RSRC1: variants seen among roughly 807,000 people sequenced by gnomAD.
The protein encoded by RSRC1 is arginine and serine rich coiled-coil 1, also known as serine/Arginine-related protein 53.
RSRC1 carries 39 observed loss-of-function variants against 49.1 expected under a neutral mutation model. The ratio of observed to expected loss-of-function variants is 0.79; its 90% CI spans 0.61 to 1.04. RSRC1 has a LOEUF of 1.04. Among genes scored for constraint, RSRC1 ranks in the 50% least tolerant of loss-of-function variants. The pLI is 0.00. For missense variants in RSRC1, 388 were observed against 402.4 expected, an observed-to-expected ratio of 0.96 and a Z score of 0.31; for synonymous variants, 143 against 130.8, an observed-to-expected ratio of 1.09 and a Z score of -0.63.
intron 3 of RSRC1, among the ~76,000 whole-genome samples, chr3:158,181,610 G>A (rs1473350062): frequency 6.6e-6 from 1 of 152,072 alleles, no homozygotes; most frequent in African/African-American, 2.4e-5. Flanking sequence ...GAAATACAAA[G>A]CAATGTAAAT....
chr3:158,483,590 AC>A (rs1738701798), intron 7 of RSRC1, among the ~76,000 whole-genome samples: 1 of 152,032 alleles, frequency 6.6e-6, no homozygotes, highest in Non-Finnish European at 1.5e-5. Flanking sequence ...TTACTTGAAA[AC>A]TTTCACAATT....
At chr3:158,353,995 CTTTTTTTTTTTTT>C (rs1230649090) in intron 5 of RSRC1, among the ~76,000 whole-genome samples, 3 of 96,302 alleles carry the variant, frequency 3.1e-5, no homozygotes, top group Non-Finnish European at 5.8e-5. Context: ...GTTTCTTTTT[CTTTTTTTTTTTTT>C]TTTTTTTTGA....
intron 6 of RSRC1, among the ~76,000 whole-genome samples, chr3:158,365,788 T>C (rs1375123696): frequency 2.0e-5 from 3 of 152,228 alleles, no homozygotes; most frequent in African/African-American, 7.2e-5. Context: ...TTTCTATTTC[T>C]CCACATCCTC....
chr3:158,459,007 T>C (rs1480908652), intron 6 of RSRC1, among the ~76,000 whole-genome samples: 1 of 152,132 alleles, frequency 6.6e-6, no homozygotes, highest in African/African-American at 2.4e-5. Flanking sequence ...TGAACTCAGA[T>C]TCTTTATGGA....
chr3:158,204,960 G>A (rs1721266828), intron 4 of RSRC1, among the ~76,000 whole-genome samples: 1 of 152,128 alleles, frequency 6.6e-6, no homozygotes, highest in Admixed American at 6.6e-5. Flanking sequence ...GTTCTCATAT[G>A]GTAACATTAA....
intron 3 of RSRC1, among the ~76,000 whole-genome samples, chr3:158,134,268 G>A (rs1171309293): frequency 6.6e-6 from 1 of 152,020 alleles, no homozygotes; most frequent in Non-Finnish European, 1.5e-5. Flanking sequence ...CTTTACAGTA[G>A]TTTTAGCTTC....
intron 5 of RSRC1, among the ~76,000 whole-genome samples, chr3:158,299,968 T>G (rs1373350553): frequency 6.6e-6 from 1 of 152,222 alleles, no homozygotes; most frequent in Non-Finnish European, 1.5e-5. Flanking sequence ...AAATAACATT[T>G]CATCTGAAGA....
intron 4 of RSRC1, among the ~76,000 whole-genome samples, chr3:158,263,073 T>C (rs1724987750): frequency 6.6e-6 from 1 of 152,190 alleles, no homozygotes; most frequent in South Asian, 2.1e-4. Flanking sequence ...CAGCATTGAA[T>C]AGAAGCAGTA....
At position 158,252,948 on chromosome 3, in the gene RSRC1, G is replaced by A. The variant is rs1724306772; in HGVS notation, c.495-45091G>A. Reference sequence around the variant, plus strand: ...TTGTAGTGTCTCCTTTTTCATCTCTGATTTTATTGATTTGGTTCTTCTCTC... The same window carrying A: ...TTGTAGTGTCTCCTTTTTCATCTCTAATTTTATTGATTTGGTTCTTCTCTC... On this transcript the variant is annotated intron_variant, in intron 4 of 9. Coordinates refer to ENST00000611884, the MANE Select transcript of RSRC1 (RefSeq NM_001271838.2). 2.6e-5 allele frequency among the ~76,000 whole-genome samples: 4 copies of A among 151,930 alleles called. No homozygotes were observed. The South Asian group carries it at 8.3e-4, about 32-fold the overall frequency.
chr3:158,185,044 G>A (rs1234912239), intron 3 of RSRC1, among the ~76,000 whole-genome samples: 1 of 151,422 alleles, frequency 6.6e-6, no homozygotes, highest in Non-Finnish European at 1.5e-5. Flanking sequence ...TTTTTGATGC[G>A]TGGATTCCAT....
intron 3 of RSRC1, among the ~76,000 whole-genome samples, chr3:158,142,711 A>C (rs901790865): frequency 6.6e-6 from 1 of 152,190 alleles, no homozygotes; most frequent in Non-Finnish European, 1.5e-5. Context: ...TCTTGAGGAC[A>C]GCACCATGCC....
At chr3:158,390,663 A>C (rs1733232662) in intron 6 of RSRC1, among the ~76,000 whole-genome samples, 1 of 152,148 alleles carries the variant, frequency 6.6e-6, no homozygotes, top group Non-Finnish European at 1.5e-5. Flanking sequence ...AGTACAGATA[A>C]GGAAACTAGG....
At chr3:158,183,572 TA>T (rs1285993118) in intron 3 of RSRC1, among the ~76,000 whole-genome samples, 3 of 152,126 alleles carry the variant, frequency 2.0e-5, no homozygotes, top group African/African-American at 7.2e-5. Context: ...AAAAAGGAGT[TA>T]TAAAAATAAA....
intron 7 of RSRC1, among the ~76,000 whole-genome samples, chr3:158,513,538 T>C (rs1041952260): frequency 9.9e-5 from 15 of 152,214 alleles, no homozygotes; most frequent in Non-Finnish European, 1.8e-4. Context: ...TTGAGGATTT[T>C]TGCATCAATG....
chr3:158,431,720 C>A (rs1412170392), intron 6 of RSRC1, among the ~76,000 whole-genome samples: 1 of 151,768 alleles, frequency 6.6e-6, no homozygotes, highest in Non-Finnish European at 1.5e-5. Flanking sequence ...AAATTCTGGT[C>A]ATTCCTAATG....
chr3:158,146,860 G>A (rs1717161222), intron 3 of RSRC1, among the ~76,000 whole-genome samples: 1 of 149,286 alleles, frequency 6.7e-6, no homozygotes, highest in Non-Finnish European at 1.5e-5. Flanking sequence ...AGTCTTGGGA[G>A]GGTGTATGTG....
intron 3 of RSRC1, among the ~76,000 whole-genome samples, chr3:158,170,035 T>C (rs2108236314): frequency 6.6e-6 from 1 of 152,306 alleles, no homozygotes; most frequent in African/African-American, 2.4e-5. Context: ...TTCTTTAGAA[T>C]TGATTTTATG....
At chr3:158,499,120 G>C (rs1290680997) in intron 7 of RSRC1, among the ~76,000 whole-genome samples, 1 of 152,162 alleles carries the variant, frequency 6.6e-6, no homozygotes, top group Non-Finnish European at 1.5e-5. Context: ...GCTCACACCT[G>C]TAATCCCAGC....
intron 4 of RSRC1, among the ~76,000 whole-genome samples, chr3:158,290,900 C>T (rs1333132322): frequency 6.6e-6 from 1 of 152,126 alleles, no homozygotes; most frequent in Non-Finnish European, 1.5e-5. Flanking sequence ...ATCTACTGTA[C>T]ATTTTTATTT....
Sources: allele counts gnomAD v4.1 joint callset (sites outside exome capture counted in the v4.1 genomes callset), GRCh38; gene constraint gnomAD v4.1.1; transcripts MANE v1.5; gene names NCBI Gene and HGNC (gene_info 2026-07-23, HGNC 2026-07-21).